Variants in SMUG1 observed in about 807,000 individuals in gnomAD.
SMUG1 encodes the protein single-strand selective monofunctional uracil DNA glycosylase.
SMUG1 carries 13 observed loss-of-function variants against 23.9 expected under a neutral mutation model. The ratio of observed to expected loss-of-function variants is 0.54; its 90% CI spans 0.35 to 0.86. SMUG1 has a LOEUF of 0.86. SMUG1 is among the 40% of genes least tolerant of loss of function. SMUG1 has a pLI of 0.01. For missense variants in SMUG1, 313 were observed against 339.5 expected (o/e 0.92, Z 0.61); for synonymous variants, 133 against 139.8 (o/e 0.95, Z 0.34).
At chr12:54,169,026 C>T (rs1176481300) in intron 3 of SMUG1, among the ~76,000 whole-genome samples, 4 of 152,172 alleles carry the variant, frequency 2.6e-5, no homozygotes, top group African/African-American at 9.7e-5. Context: ...TGGCCCCCAC[C>T]CCAACTCCCA....
At chr12:54,177,192 G>A (rs1463533833), downstream of SMUG1, among the ~76,000 whole-genome samples, 3 of 152,202 alleles carry the variant, frequency 2.0e-5, no homozygotes, top group Admixed American at 6.5e-5. Flanking sequence ...GGACACTCCT[G>A]CCTGAACCTT....
chr12:54,185,521 T>A (rs149220281), intron 2 of SMUG1, among the ~76,000 whole-genome samples: 2,779 of 45,544 alleles, frequency 0.061, 744 homozygotes, highest in Non-Finnish European at 0.089. Flanking sequence ...AATAAATAAA[T>A]AAATAAATTT....
At chr12:54,175,031 T>C (rs1282362453) in intron 2 of SMUG1, 1 of 152,266 alleles carries the variant, frequency 6.6e-6, no homozygotes, top group Non-Finnish European at 1.5e-5. Flanking sequence ...TATCACCTGA[T>C]GGTCACAGCT....
chr12:54,175,542 TTA>T (rs1382197545), downstream of SMUG1, among the ~76,000 whole-genome samples: 1 of 152,222 alleles, frequency 6.6e-6, no homozygotes, highest in African/African-American at 2.4e-5. Flanking sequence ...ATTTAGCAAG[TTA>T]TGAGATAAGA....
rs1407002461 is a variant in SMUG1, at chr12:54,180,408, G to C, written c.*1688C>G. 1 of 152,186 alleles carries C rather than the reference G, an allele frequency of 6.6e-6. No individual in the cohort carries two copies. The highest frequency in any genetic ancestry group is 1.5e-5 in the Non-Finnish European group (1 of 68,028). 9.4% of individuals were successfully genotyped at this position (152,186 alleles called of 1,614,324 possible). On this transcript the variant is annotated 3_prime_UTR_variant, in exon 4 of 4. Transcript: ENST00000682136. ...TTCTTTATTATACAATGAAGTAGGG[G>C]AGGATTTATATGAAAAATCTTACTA...
chr12:54,159,300 A>G (rs1167627069), intron 4 of SMUG1, among the ~76,000 whole-genome samples: 1 of 152,198 alleles, frequency 6.6e-6, no homozygotes, highest in Admixed American at 6.5e-5. Context: ...AGCTGCATCC[A>G]TCATCCAAGC....
intron 3 of SMUG1, 146 bp downstream of exon 3, chr12:54,183,510 G>A (rs184261515): frequency 4.7e-5 from 36 of 767,898 alleles, no homozygotes; most frequent in Non-Finnish European, 7.4e-5. Context: ...CGGACCACAG[G>A]AGCCAGTATA....
At chr12:54,171,819 C>T (rs1182337384) in intron 3 of SMUG1, among the ~76,000 whole-genome samples, 1 of 152,152 alleles carries the variant, frequency 6.6e-6, no homozygotes, top group Non-Finnish European at 1.5e-5. Flanking sequence ...ACCAGCTCCT[C>T]CTGTGGTATT....
In SMUG1 at chr12:54,180,648, A is replaced by G. The variant is rs1462516882; in HGVS notation, c.*1448T>C. ...ATCACCTGTTTCTCACGGTGTCCAG[A>G]GTATCATATAAGACCCCTAACAGAC... is the stretch of plus-strand genomic sequence containing the variant. On this transcript the variant is annotated 3_prime_UTR_variant, in exon 4 of 4. Transcript: ENST00000682136. The G allele has an allele frequency of 6.6e-6, 1 of 152,160 alleles. No individual in the cohort carries two copies. Among genetic ancestry groups the G allele is most frequent in the East Asian group, 1.9e-4 (1 of 5,196 alleles). 9.4% of individuals were successfully genotyped at this position (152,160 alleles called of 1,614,324 possible).
chr12:54,187,502 A>T (rs1266957970), intron 2 of SMUG1, among the ~76,000 whole-genome samples: 1 of 152,222 alleles, frequency 6.6e-6, no homozygotes, highest in Non-Finnish European at 1.5e-5. Context: ...CAACATTAGC[A>T]GATTGGCTGC....
chr12:54,182,043 C>T lies in SMUG1; in HGVS notation c.*53G>A. 1 of 1,513,926 alleles carries T rather than the reference C, an allele frequency of 6.6e-7. No homozygotes were observed. Among genetic ancestry groups the T allele is most frequent in the Non-Finnish European group, 8.8e-7 (1 of 1,132,440 alleles). 93.8% of individuals were successfully genotyped at this position (1,513,926 alleles called of 1,614,324 possible). A position where few individuals can be genotyped will look rare whatever the true frequency, so the allele number is the denominator to read the frequency against. ...AGGAGATGTGTTGTCATCTGCTTGG[C>T]CAAGAATGACTTCGAGGTCTTGAAT... On this transcript the variant is annotated 3_prime_UTR_variant, in exon 4 of 4. Transcript: ENST00000682136.
At chr12:54,177,311 TA>T (rs2136555918), downstream of SMUG1, among the ~76,000 whole-genome samples, 1 of 152,282 alleles carries the variant, frequency 6.6e-6, no homozygotes, top group African/African-American at 2.4e-5. Flanking sequence ...CTTGTTTTTT[TA>T]AACCTCCACC....
rs1256846204 is a variant in SMUG1, at chr12:54,183,945, C to A, written c.-5G>T. On this transcript the variant is annotated 5_prime_UTR_variant, in exon 3 of 4. Coordinates refer to ENST00000682136, the MANE Select transcript of SMUG1 (RefSeq NM_001243787.2). ...CAGCAGGAAAGCCTGGGGCATATGTCCATGCCGCTGTCACCTGGGAAAAGA... is the reference window on the plus strand; with the variant it reads ...CAGCAGGAAAGCCTGGGGCATATGTACATGCCGCTGTCACCTGGGAAAAGA... 6.5e-7 allele frequency: 1 copy of A among 1,534,014 alleles called. No homozygotes were observed. The highest frequency in any genetic ancestry group is 8.8e-7 in the Non-Finnish European group (1 of 1,141,528).
intron 4 of SMUG1, among the ~76,000 whole-genome samples, chr12:54,159,420 G>A (rs188529657): frequency 6.6e-6 from 1 of 152,160 alleles, no homozygotes; most frequent in Admixed American, 6.5e-5. Flanking sequence ...CAGGGCTGTC[G>A]GGGACAACCT....
At chr12:54,165,305 G>A (rs1318468826) in intron 4 of SMUG1, 1 of 152,220 alleles carries the variant, frequency 6.6e-6, no homozygotes, top group Non-Finnish European at 1.5e-5. Context: ...AGCAGCTGAA[G>A]TGAAATACAA....
chr12:54,188,296 A>AT (rs1450293670), intron 1 of SMUG1, among the ~76,000 whole-genome samples: 3 of 36,634 alleles, frequency 8.2e-5, no homozygotes, highest in East Asian at 6.4e-4. Flanking sequence ...AATAATAATA[A>AT]ATAATAATAA....
chr12:54,176,580 G>A (rs990498817), downstream of SMUG1, among the ~76,000 whole-genome samples: 3 of 145,968 alleles, frequency 2.1e-5, no homozygotes, highest in African/African-American at 7.6e-5. Flanking sequence ...GCCGAGACGG[G>A]CGGATCACAA....
In SMUG1 at chr12:54,183,781, T is replaced by C. The variant is rs749792496; in HGVS notation, c.160A>G (p.Ile54Val). ...CATGCATACTCCACGGGATTGTAGA[T>C]GATGCCCACAGGCTCCGAAAACTGC... ...QLQFSEPVGI[I>V]YNPVEYAWEP... Residue 54 changes from isoleucine to valine, a missense_variant, in exon 3 of 4, where the codon ATC becomes GTC. Physicochemically the swap from Ile to Val is conservative, Grantham distance 29 (BLOSUM62 3). Coordinates refer to ENST00000682136, the MANE Select transcript of SMUG1 (RefSeq NM_001243787.2). 2 of 1,614,000 alleles carry C rather than the reference T, an allele frequency of 1.2e-6. No homozygotes were observed. The highest frequency in any genetic ancestry group is 1.7e-6 in the Non-Finnish European group (2 of 1,180,016).
At chr12:54,188,287 AT>A (rs1381283566) in intron 1 of SMUG1, among the ~76,000 whole-genome samples, 3 of 28,760 alleles carry the variant, frequency 1.0e-4, no homozygotes, top group Non-Finnish European at 7.8e-5. Flanking sequence ...AATAATAATA[AT>A]AATAATAAAT....
Sources: gnomAD v4.1 joint callset for allele counts (sites outside exome capture counted in the v4.1 genomes callset) on GRCh38, gnomAD v4.1.1 for gene constraint, MANE v1.5 for transcripts, NCBI Gene and HGNC (gene_info 2026-07-23, HGNC 2026-07-21) for gene names.